The following ZSCAN10 variants were observed in gnomAD, a reference collection of about 807,000 sequenced individuals.
ZSCAN10 encodes zinc finger and SCAN domain containing 10.
ZSCAN10 carries 52 observed loss-of-function variants against 63.7 expected under a neutral mutation model. That is an observed-to-expected ratio of 0.82 (90% CI 0.65 to 1.03). The LOEUF is 1.03. Among genes scored for constraint, ZSCAN10 ranks in the 50% least tolerant of loss-of-function variants. The probability of loss-of-function intolerance (pLI) is 0.00; values close to 1 mark genes in which losing one functional copy is unlikely to be tolerated. For synonymous variants in ZSCAN10, 544 were observed against 479.6 expected, an observed-to-expected ratio of 1.13 and a Z score of -1.76; for missense variants, 1,223 against 1,103.8, an observed-to-expected ratio of 1.11 and a Z score of -1.53.
Position 3,089,230 on chromosome 16 carries a change from C to A in ZSCAN10, c.2204G>T (p.Arg735Leu). 1 of 1,581,818 alleles carries A rather than the reference C, an allele frequency of 6.3e-7. No individual in the cohort carries two copies. Among genetic ancestry groups the A allele is most frequent in the Non-Finnish European group, 8.5e-7 (1 of 1,171,254 alleles). Reference sequence around the variant, plus strand: ...CAGGTGTCGCAGCAGATTGCAGCTGCGGCTGAAGCTCTTCCCGCACTCCAC... The same window carrying A: ...CAGGTGTCGCAGCAGATTGCAGCTGAGGCTGAAGCTCTTCCCGCACTCCAC... Reference protein sequence around the residue: ...ECVECGKSFSRSCNLLRHLLV... With the variant: ...ECVECGKSFSLSCNLLRHLLV... Residue 735 changes from arginine to leucine, a missense_variant, in exon 6 of 6, where the codon CGC becomes CTC. Physicochemically the swap from Arg to Leu is moderately radical, Grantham distance 102 (BLOSUM62 -2). Transcript: ENST00000576985.
chr16:3,089,227 C>A lies in ZSCAN10; in HGVS notation c.2207G>T (p.Ser736Ile). The A allele has an allele frequency of 6.3e-7, 1 of 1,584,060 alleles. No homozygotes were observed. ...CAGCAGGTGTCGCAGCAGATTGCAG[C>A]TGCGGCTGAAGCTCTTCCCGCACTC... The part of the protein sequence containing the change: ...CVECGKSFSR[S>I]CNLLRHLLVH... Residue 736 changes from serine to isoleucine, a missense_variant, in exon 6 of 6, where the codon AGC becomes ATC. Physicochemically the swap from Ser to Ile is moderately radical, Grantham distance 142. Coordinates refer to ENST00000576985, the MANE Select transcript of ZSCAN10 (RefSeq NM_032805.3).
chr16:3,092,564 TC>T lies in ZSCAN10; in HGVS notation c.373del (p.Glu125SerfsTer83). ...CACCAGCGGCCCCGCGTGGCTGGGC[TC>T]CCGGTGGATGCCCTCGAGCAGCAGC... The part of the protein sequence containing the change: ...VVLLLEGIHR[E>X]PSHAGPLDFS... On this transcript the variant is annotated frameshift_variant, in exon 2 of 6. Coordinates refer to ENST00000576985, the MANE Select transcript of ZSCAN10 (RefSeq NM_032805.3). LOFTEE classifies it high-confidence loss of function. 6.4e-7 allele frequency: 1 copy of T among 1,554,100 alleles called. No individual in the cohort carries two copies. Among genetic ancestry groups the T allele is most frequent in the Non-Finnish European group, 8.7e-7 (1 of 1,151,812 alleles).
chr16:3,092,206 C>A lies in ZSCAN10; in HGVS notation c.507G>T (p.Ala169=). 2 of 1,612,620 alleles carry A rather than the reference C, an allele frequency of 1.2e-6. No homozygotes were observed. Among genetic ancestry groups the A allele is most frequent in the Non-Finnish European group, 1.7e-6 (2 of 1,180,026 alleles). ...ATGGGCCCAGCACTGAAGGCTCTTC[C>A]GCAGGCAATTCCTTCTTGGGGCTGT... ...PSHSPKKELP[A]EEPSVLGPSD... Residue 169 remains alanine, a synonymous_variant, in exon 3 of 6, where the codon GCG becomes GCT. Coordinates refer to ENST00000576985, the MANE Select transcript of ZSCAN10 (RefSeq NM_032805.3).
At position 3,092,087 on chromosome 16, in the gene ZSCAN10, G is replaced by T; in HGVS notation, c.626C>A (p.Pro209Gln). The change falls in exon 3 of 6, where the codon CCG (proline) becomes CAG (glutamine). Residue 209 changes from proline (P) to glutamine (Q), a missense_variant. By Grantham distance (76) the Pro-to-Gln change is moderately conservative (BLOSUM62 -1). Transcript: ENST00000576985. ...LPPSSKQPLS[P>Q]GPQKTFQALQ... is the part of the protein sequence containing the mutation. ...GGCCTGGAATGTCTTCTGGGGCCCC[G>T]GGCTCAGCGGCTGCTTTGAACTTGG... 6.3e-7 allele frequency: 1 copy of T among 1,591,838 alleles called. No individual in the cohort carries two copies. The highest frequency in any genetic ancestry group is 8.6e-7 in the Non-Finnish European group (1 of 1,167,922).
intron 1 of ZSCAN10, among the ~76,000 whole-genome samples, chr16:3,095,708 G>T (rs1957144426): frequency 6.6e-6 from 1 of 151,062 alleles, no homozygotes; most frequent in African/African-American, 2.4e-5. Context: ...GGTGCCTGTG[G>T]TCCCAGCTAC....
In ZSCAN10 at chr16:3,090,430, G is replaced by A. The variant is rs748855176; in HGVS notation, c.1004C>T (p.Ala335Val). The A allele has an allele frequency of 6.2e-7, 1 of 1,613,884 alleles. No homozygotes were observed. The highest frequency in any genetic ancestry group is 2.2e-5 in the East Asian group (1 of 44,874). The change falls in exon 6 of 6, where the codon GCT becomes GTT. Residue 335 changes from alanine (A) to valine (V), a missense_variant. Transcript: ENST00000576985. Reference protein sequence around the residue: ...GSSEILEVKVAEGVPEPNPEL... With the variant: ...GSSEILEVKVVEGVPEPNPEL... ...CGGATTGGGCTCGGGGACGCCCTCAGCCACTTTGACCTCCAAAATTTCACT... is the reference window on the plus strand; with the variant it reads ...CGGATTGGGCTCGGGGACGCCCTCAACCACTTTGACCTCCAAAATTTCACT...
chr16:3,094,747 T>A (rs1343548146), intron 1 of ZSCAN10, among the ~76,000 whole-genome samples: 1 of 151,886 alleles, frequency 6.6e-6, no homozygotes, highest in African/African-American at 2.4e-5. Context: ...TTACTCAGTG[T>A]CATAAAAAGT....
At chr16:3,091,917 G>A (rs1447752583) in intron 3 of ZSCAN10, 89 bp from the exon 4 acceptor site, 54 of 1,596,306 alleles carry the variant, frequency 3.4e-5, no homozygotes, top group East Asian at 1.8e-4. Context: ...CGCATCATCC[G>A]GGCCCTGTGA....
chr16:3,091,773 C>A lies in ZSCAN10; in HGVS notation c.720G>T (p.Ala240=). 6.4e-7 allele frequency: 1 copy of A among 1,572,306 alleles called. No individual in the cohort carries two copies. The highest frequency in any genetic ancestry group is 2.4e-5 in the East Asian group (1 of 42,140). The change falls in exon 4 of 6, where the codon GCG becomes GCT. Residue 240 remains alanine (A), a synonymous_variant. Transcript: ENST00000576985. ...GTGCGGCCCAGCTCACCAGCACAGCCGCCAGCTCCTGATCTCGGGAACTCT... is the reference window on the plus strand; with the variant it reads ...GTGCGGCCCAGCTCACCAGCACAGCAGCCAGCTCCTGATCTCGGGAACTCT... ...PEESSRDQEL[A]AVLECLTFED...
chr16:3,097,673 C>T (rs2717685), intron 1 of ZSCAN10, among the ~76,000 whole-genome samples: 44,022 of 152,120 alleles, frequency 0.29, 7,872 homozygotes, highest in South Asian at 0.44. Flanking sequence ...CCCACTAGGG[C>T]GATGGAGTGC....
rs1957045443 is a variant in ZSCAN10 at position 3,089,956 on chromosome 16, C to T, written c.1478G>A (p.Arg493His). 3 of 1,542,558 alleles carry T rather than the reference C, an allele frequency of 1.9e-6. No individual in the cohort carries two copies. The highest frequency in any genetic ancestry group is 1.7e-6 in the Non-Finnish European group (2 of 1,146,976). The change falls in exon 6 of 6, where the codon CGC (arginine) becomes CAC (histidine). Residue 493 changes from arginine (R) to histidine (H), a missense_variant. Arg to His is a conservative substitution (Grantham distance 29). Coordinates refer to ENST00000576985, the MANE Select transcript of ZSCAN10 (RefSeq NM_032805.3). ...GTCCCTGGCGTGGATCCGCAGGTGG[C>T]GCTTGAGGCTGGAGCGGCGCTGGAA... ...QSFQRRSSLKRHLRIHARDKD... is the reference protein window; with the variant it reads ...QSFQRRSSLKHHLRIHARDKD...
Position 3,092,745 on chromosome 16 carries a change from G to A in ZSCAN10, c.193C>T (p.Leu65Phe), listed in dbSNP as rs111927493. 1 of 1,611,842 alleles carries A rather than the reference G, an allele frequency of 6.2e-7. No homozygotes were observed. The highest frequency in any genetic ancestry group is 8.5e-7 in the Non-Finnish European group (1 of 1,179,290). The change falls in exon 2 of 6, where the codon CTC (leucine) becomes TTC (phenylalanine). Residue 65 changes from leucine to phenylalanine, a missense_variant. Leu to Phe is a conservative substitution (Grantham distance 22). Transcript: ENST00000576985. ...AGCCAGTGGCCGCAGAGCTCCCGGA[G>A]CCGGCTCAGGGACGCCCGTGGCCCC... ...DMGPRASLSR[L>F]RELCGHWLRP...
At position 3,089,105 on chromosome 16, in the gene ZSCAN10, C is replaced by A. The variant is rs910483646; in HGVS notation, c.2329G>T (p.Glu777Ter). The change falls in exon 6 of 6, where the codon GAG becomes TAG. Residue 777 changes from glutamate to a stop codon, truncating the protein, a stop_gained. Transcript: ENST00000576985. LOFTEE classifies it high-confidence loss of function. ...LLRHLRTHARETLY is the reference protein window; with the variant it reads ...LLRHLRTHAR ...GGCGGGCCAAGCTAGTACAGCGTCT[C>A]GCGGGCGTGGGTGCGCAGGTGGCGC... 4 of 1,502,646 alleles carry A rather than the reference C, an allele frequency of 2.7e-6. No homozygotes were observed. Among genetic ancestry groups the A allele is most frequent in the Non-Finnish European group, 2.6e-6 (3 of 1,137,580 alleles). The allele number at this position is 1,502,646 out of a possible 1,614,324, so 93.1% of individuals were successfully genotyped here. A position where few individuals can be genotyped will look rare whatever the true frequency, so the allele number is the denominator to read the frequency against.
Position 3,089,799 on chromosome 16 carries a change from C to A in ZSCAN10, c.1635G>T (p.Thr545=). The part of the protein sequence containing the change: ...EHLVAHRRVH[T]GERPFSCQAC... ...CCTGGCAGGAGAAGGGCCGCTCGCC[C>A]GTGTGCACCCTCCGGTGGGCCACCA... is the stretch of plus-strand genomic sequence containing the variant. The change falls in exon 6 of 6, where the codon ACG becomes ACT. Residue 545 remains threonine, a synonymous_variant. Transcript: ENST00000576985. 1 of 1,586,434 alleles carries A rather than the reference C, an allele frequency of 6.3e-7. No individual in the cohort carries two copies. Among genetic ancestry groups the A allele is most frequent in the South Asian group, 1.1e-5 (1 of 89,270 alleles).
At chr16:3,097,853 C>T (rs1277020403) in intron 1 of ZSCAN10, among the ~76,000 whole-genome samples, 1 of 151,776 alleles carries the variant, frequency 6.6e-6, no homozygotes, top group East Asian at 1.9e-4. Context: ...ACGTCTAGGA[C>T]AGAAAAAGTC....
chr16:3,092,508 G>T (rs202157471), intron 2 of ZSCAN10, 34 bp downstream of exon 2: 1 of 1,468,186 alleles, frequency 6.8e-7, no homozygotes, highest in Admixed American at 2.5e-5. Context: ...CCCATCATCC[G>T]CATGCTGCTC....
At position 3,089,335 on chromosome 16, in the gene ZSCAN10, C is replaced by G. The variant is rs1418721149; in HGVS notation, c.2099G>C (p.Arg700Pro). 4 of 1,587,952 alleles carry G rather than the reference C, an allele frequency of 2.5e-6. No homozygotes were observed. Among genetic ancestry groups the G allele is most frequent in the South Asian group, 2.2e-5 (2 of 89,194 alleles). The change falls in exon 6 of 6, where the codon CGG becomes CCG. Residue 700 changes from arginine (R) to proline (P), a missense_variant. Coordinates refer to ENST00000576985, the MANE Select transcript of ZSCAN10 (RefSeq NM_032805.3). ...GTGCCGCCGCAGATGCGCGTTGCGCCGGAAGCTGCGACCGCACGTCTGACA... is the reference window on the plus strand; with the variant it reads ...GTGCCGCCGCAGATGCGCGTTGCGCGGGAAGCTGCGACCGCACGTCTGACA... Reference protein sequence around the residue: ...YSCQTCGRSFRRNAHLRRHLA... With the variant: ...YSCQTCGRSFPRNAHLRRHLA...
chr16:3,093,754 C>T (rs2151217330), intron 1 of ZSCAN10, among the ~76,000 whole-genome samples: 1 of 141,758 alleles, frequency 7.1e-6, no homozygotes, highest in East Asian at 2.2e-4. Flanking sequence ...GATCTCAGCT[C>T]TCTGCAGCCT....
Position 3,092,301 on chromosome 16 carries a change from C to G in ZSCAN10, c.412G>C (p.Ala138Pro), listed in dbSNP as rs377185928. ...HAGPLDFSCN[A>P]GKSCPRADVT... ...TCTGCACGGGGACAACTCTTGCCAGCATTACAACTAAAATCCTGTTCAAAA... is the reference window on the plus strand; with the variant it reads ...TCTGCACGGGGACAACTCTTGCCAGGATTACAACTAAAATCCTGTTCAAAA... The change falls in exon 3 of 6, where the codon GCT becomes CCT. Residue 138 changes from alanine (A) to proline (P), a missense_variant. Physicochemically the swap from Ala to Pro is conservative, Grantham distance 27 (BLOSUM62 -1). Transcript: ENST00000576985. The G allele has an allele frequency of 3.6e-5, 57 of 1,605,600 alleles. No homozygotes were observed. Among genetic ancestry groups the G allele is most frequent in the Non-Finnish European group, 4.6e-5 (54 of 1,176,282 alleles).
Sources: allele counts gnomAD v4.1 joint callset (sites outside exome capture counted in the v4.1 genomes callset), GRCh38; gene constraint gnomAD v4.1.1; transcripts MANE v1.5; gene names NCBI Gene and HGNC (gene_info 2026-07-23, HGNC 2026-07-21).